The following LRIG1 variants were observed in gnomAD, a reference collection of about 807,000 sequenced individuals.
LRIG1 encodes the protein leucine-rich repeats and immunoglobulin-like domains protein 1.
LRIG1 carries 48 observed loss-of-function variants against 99.2 expected under a neutral mutation model. That is an observed-to-expected ratio of 0.48 (90% CI 0.38 to 0.62). The LOEUF is 0.62. Among genes scored for constraint, LRIG1 ranks in the 20% least tolerant of loss-of-function variants. The pLI is 0.00. For missense variants in LRIG1, 1,646 were observed against 1,434.4 expected, an observed-to-expected ratio of 1.15 and a Z score of -2.38; for synonymous variants, 772 against 596.1, an observed-to-expected ratio of 1.29 and a Z score of -4.30.
chr3:66,414,888 G>A lies in LRIG1; in HGVS notation c.647+32C>T. The A allele has an allele frequency of 6.5e-7, 1 of 1,532,992 alleles. No individual in the cohort carries two copies. Among genetic ancestry groups the A allele is most frequent in the Non-Finnish European group, 8.8e-7 (1 of 1,140,006 alleles). The allele number at this position is 1,532,992 out of a possible 1,614,324, so 95.0% of individuals were successfully genotyped here. A position where few individuals can be genotyped will look rare whatever the true frequency, so the allele number is the denominator to read the frequency against. ...ATCTGGCCTCCATAAAGTTTGGCTA[G>A]CCTTAATTAAAGTGTAGGTTTCTGT... On this transcript the variant is annotated intron_variant, in intron 5 of 18. Coordinates refer to ENST00000273261, the MANE Select transcript of LRIG1 (RefSeq NM_015541.3).
intron 2 of LRIG1, among the ~76,000 whole-genome samples, chr3:66,457,411 C>T (rs1700254382): frequency 1.3e-5 from 2 of 152,054 alleles, no homozygotes; most frequent in African/African-American, 4.8e-5. Flanking sequence ...TCATCTCATC[C>T]ATCTCACAGA....
At chr3:66,415,521 G>A (rs890164550) in intron 4 of LRIG1, among the ~76,000 whole-genome samples, 62 of 152,272 alleles carry the variant, frequency 4.1e-4, no homozygotes, top group African/African-American at 1.5e-3. Flanking sequence ...TTTTGAGGTG[G>A]GTCTTGCTAT....
intron 6 of LRIG1, 30 bp downstream of exon 6, chr3:66,412,841 A>C: frequency 6.2e-7 from 1 of 1,612,762 alleles, no homozygotes; most frequent in East Asian, 2.2e-5. Flanking sequence ...AGCAATCCTT[A>C]GCAATGCCAG....
At chr3:66,442,283 T>C (rs1703565577) in intron 3 of LRIG1, among the ~76,000 whole-genome samples, 1 of 152,228 alleles carries the variant, frequency 6.6e-6, no homozygotes, top group South Asian at 2.1e-4. Context: ...CTATAAAAGC[T>C]GAAAATGGCT....
intron 2 of LRIG1, among the ~76,000 whole-genome samples, chr3:66,458,253 C>T (rs1700274087): frequency 6.6e-6 from 1 of 152,126 alleles, no homozygotes; most frequent in Non-Finnish European, 1.5e-5. Context: ...GAACCTGGGA[C>T]TACAGGCATG....
intron 2 of LRIG1, among the ~76,000 whole-genome samples, chr3:66,458,869 T>G (rs1700289850): frequency 6.6e-6 from 1 of 151,736 alleles, no homozygotes; most frequent in African/African-American, 2.4e-5. Context: ...ATATAAAAAT[T>G]AGCTGGGCAC....
At chr3:66,457,576 G>C (rs994082445) in intron 2 of LRIG1, among the ~76,000 whole-genome samples, 1 of 152,134 alleles carries the variant, frequency 6.6e-6, no homozygotes, top group Non-Finnish European at 1.5e-5. Context: ...TGAGCCTCTC[G>C]CATGTGCAAG....
At chr3:66,417,338 C>A in intron 3 of LRIG1, 72 bp from the exon 4 acceptor site, 1 of 1,461,350 alleles carries the variant, frequency 6.8e-7, no homozygotes, top group South Asian at 1.2e-5. Context: ...AGTATTCCTG[C>A]ACCCCACCCC....
In LRIG1 at chr3:66,379,051, C is replaced by G. The variant is rs9866872; in HGVS notation, c.*1212G>C. Reference sequence around the variant, plus strand: ...GCTTACCTTTTGAACAGTGATGACACCTGACAGTAATTGTTAACTATTTTC... The same window carrying G: ...GCTTACCTTTTGAACAGTGATGACAGCTGACAGTAATTGTTAACTATTTTC... On this transcript the variant is annotated 3_prime_UTR_variant, in exon 19 of 19. Coordinates refer to ENST00000273261, the MANE Select transcript of LRIG1 (RefSeq NM_015541.3). 7,178 of 152,682 alleles carry G rather than the reference C, an allele frequency of 0.047. 502 individuals carry two copies. Among genetic ancestry groups the G allele is most frequent in the African/African-American group, 0.15 (6,207 of 41,522 alleles). The allele number at this position is 152,682 out of a possible 1,614,324, so 9.5% of individuals were successfully genotyped here. A position where few individuals can be genotyped will look rare whatever the true frequency, so the allele number is the denominator to read the frequency against.
In LRIG1 at chr3:66,465,145, G is replaced by A. The variant is rs530362536; in HGVS notation, c.219-2636C>T. Among the ~76,000 whole-genome samples, 9 of 152,254 alleles carry A rather than the reference G, an allele frequency of 5.9e-5. No homozygotes were observed. The South Asian group carries it at 1.0e-3, about 18-fold the overall frequency. On this transcript the variant is annotated intron_variant, in intron 1 of 18. Transcript: ENST00000273261. Reference sequence around the variant, plus strand: ...AAAGAAGACAGCCACCAAGGCTCACGTCCCTTTCTGCTGTGGACAAGGGGC... The same window carrying A: ...AAAGAAGACAGCCACCAAGGCTCACATCCCTTTCTGCTGTGGACAAGGGGC...
chr3:66,436,142 G>A (rs1703349364), intron 3 of LRIG1, among the ~76,000 whole-genome samples: 2 of 152,214 alleles, frequency 1.3e-5, no homozygotes, highest in African/African-American at 2.4e-5. Flanking sequence ...CAGCTAGCGT[G>A]GCCCTTGCCT....
intron 13 of LRIG1, 130 bp downstream of exon 13, chr3:66,385,851 G>T (rs1286946359): frequency 8.2e-6 from 7 of 858,392 alleles, no homozygotes; most frequent in Non-Finnish European, 1.3e-5. Context: ...GGCAACAATA[G>T]GATTTAACAG....
chr3:66,491,892 T>A (rs149162295), intron 1 of LRIG1, among the ~76,000 whole-genome samples: 123 of 152,142 alleles, frequency 8.1e-4, no homozygotes, highest in African/African-American at 2.9e-3. Context: ...ATTCAAAAGG[T>A]AAGAAAAAAC....
At chr3:66,426,894 C>T (rs1305351517) in intron 3 of LRIG1, among the ~76,000 whole-genome samples, 1 of 152,234 alleles carries the variant, frequency 6.6e-6, no homozygotes, top group African/African-American at 2.4e-5. Flanking sequence ...ACAAAGTCCA[C>T]AGTCAACTAT....
intron 1 of LRIG1, among the ~76,000 whole-genome samples, chr3:66,471,231 G>A (rs1457684928): frequency 5.3e-5 from 8 of 152,172 alleles, no homozygotes; most frequent in African/African-American, 2.4e-5. Flanking sequence ...AATGGGGAGC[G>A]GGAAGAGATG....
chr3:66,399,093 G>A (rs193166355), intron 9 of LRIG1, 52 bp from the exon 10 acceptor site: 5 of 1,411,806 alleles, frequency 3.5e-6, no homozygotes, highest in East Asian at 4.6e-5. Flanking sequence ...AAGCGAAACA[G>A]GAAGGGTTGA....
At chr3:66,388,789 C>G (rs1196980705) in intron 12 of LRIG1, among the ~76,000 whole-genome samples, 1 of 152,148 alleles carries the variant, frequency 6.6e-6, no homozygotes, top group East Asian at 1.9e-4. Context: ...TTAAAACATT[C>G]CGATGTTTTT....
At chr3:66,482,732 A>G (rs189276833) in intron 1 of LRIG1, among the ~76,000 whole-genome samples, 5 of 152,376 alleles carry the variant, frequency 3.3e-5, no homozygotes, top group Admixed American at 3.3e-4. Flanking sequence ...AATGCCCAAT[A>G]TCAGAGAAAC....
chr3:66,431,403 G>A (rs1703167327), intron 3 of LRIG1, among the ~76,000 whole-genome samples: 1 of 152,210 alleles, frequency 6.6e-6, no homozygotes, highest in African/African-American at 2.4e-5. Flanking sequence ...ACTAACCCCA[G>A]AAATTTTAAC....
Sources: gnomAD v4.1 joint callset for allele counts (sites outside exome capture counted in the v4.1 genomes callset) on GRCh38, gnomAD v4.1.1 for gene constraint, MANE v1.5 for transcripts, NCBI Gene and HGNC (gene_info 2026-07-23, HGNC 2026-07-21) for gene names.